Variants in PAPPA observed in about 807,000 individuals in gnomAD.
PAPPA encodes the protein pappalysin-1.
In PAPPA, 60 loss-of-function variants were observed where a neutral mutation model predicts 164.0. That is an observed-to-expected ratio of 0.37 (90% CI 0.30 to 0.45). PAPPA has a LOEUF of 0.45. Ranked by LOEUF, PAPPA falls within the 20% of genes least tolerant of loss-of-function variation. The pLI, the probability that PAPPA is intolerant of heterozygous loss-of-function variation, is 1.00. For synonymous variants in PAPPA, 875 were observed against 814.1 expected (o/e 1.07, Z -1.27); for missense variants, 1,782 against 2,087.3 (o/e 0.85, Z 2.85).
chr9:116,159,516 C>T (rs1587933246), intron 1 of PAPPA, among the ~76,000 whole-genome samples: 1 of 152,164 alleles, frequency 6.6e-6, no homozygotes, highest in Admixed American at 6.5e-5. Flanking sequence ...AGGATTACCC[C>T]TCTGTAATAA....
chr9:116,271,472 T>C lies in PAPPA; in HGVS notation c.2953+56T>C. Reference sequence around the variant, plus strand: ...TGAAGAAATGAACGGTGCAGAATGGTTGGTCAATGATAATGCCAACAATAG... The same window carrying C: ...TGAAGAAATGAACGGTGCAGAATGGCTGGTCAATGATAATGCCAACAATAG... On this transcript the variant is annotated intron_variant, in intron 9 of 21. Transcript: ENST00000328252. The surrounding 1 kb of genome is among the most constrained non-coding windows in gnomAD (Gnocchi z 4.2). The C allele has an allele frequency of 8.1e-7, 1 of 1,236,096 alleles. No individual in the cohort carries two copies. Among genetic ancestry groups the C allele is most frequent in the South Asian group, 1.2e-5 (1 of 83,232 alleles). 76.6% of individuals were successfully genotyped at this position (1,236,096 alleles called of 1,614,324 possible).
intron 4 of PAPPA, among the ~76,000 whole-genome samples, chr9:116,216,631 G>A (rs369205178): frequency 2.2e-4 from 33 of 152,326 alleles, no homozygotes; most frequent in African/African-American, 7.7e-4. Flanking sequence ...TTAGCTAATT[G>A]AGGCAGATCT....
intron 1 of PAPPA, among the ~76,000 whole-genome samples, chr9:116,157,890 A>G (rs1048131889): frequency 2.6e-5 from 4 of 152,112 alleles, no homozygotes; most frequent in Non-Finnish European, 5.9e-5. Context: ...CTCATCCCCA[A>G]CTGCCCCCCC....
chr9:116,277,378 G>A (rs1046839265), intron 9 of PAPPA, among the ~76,000 whole-genome samples: 3 of 152,104 alleles, frequency 2.0e-5, no homozygotes, highest in Non-Finnish European at 4.4e-5. Flanking sequence ...TTAAGGTGAC[G>A]ACGAGGGTGA....
intron 7 of PAPPA, among the ~76,000 whole-genome samples, chr9:116,246,642 A>T (rs967315750): frequency 3.3e-5 from 5 of 152,190 alleles, no homozygotes; most frequent in Non-Finnish European, 7.3e-5. Context: ...ATTGGTTAGA[A>T]TTGAGATGTT....
chr9:116,284,844 C>A (rs1442636326), intron 9 of PAPPA, among the ~76,000 whole-genome samples: 1 of 152,134 alleles, frequency 6.6e-6, no homozygotes, highest in East Asian at 1.9e-4. Context: ...CCAAATCAGT[C>A]TCTCTCGCCC....
At position 116,322,302 on chromosome 9, in the gene PAPPA, C is replaced by T. The variant is rs547548918; in HGVS notation, c.3148-8942C>T. ...GCAGGAGCCTGTAATCCCAGCTACT[C>T]GGGGGGTGGAGGCAGGAGAACCGCT... On this transcript the variant is annotated intron_variant, in intron 10 of 21. Transcript: ENST00000328252. 4.1e-5 allele frequency among the ~76,000 whole-genome samples: 6 copies of T among 147,924 alleles called. No homozygotes were observed. The South Asian group carries it at 1.1e-3, about 27-fold the overall frequency.
chr9:116,179,630 C>A (rs1007478556), intron 1 of PAPPA, among the ~76,000 whole-genome samples: 4 of 152,218 alleles, frequency 2.6e-5, no homozygotes, highest in African/African-American at 9.7e-5. Flanking sequence ...CAGGTACCCT[C>A]CTCGGTGATA....
At chr9:116,192,658 CAG>C (rs1405133557) in intron 2 of PAPPA, among the ~76,000 whole-genome samples, 5 of 152,182 alleles carry the variant, frequency 3.3e-5, no homozygotes, top group African/African-American at 1.2e-4. Flanking sequence ...TCTGTGTGAG[CAG>C]TAAATGCCTT....
chr9:116,263,236 G>A (rs1326138758), intron 7 of PAPPA, among the ~76,000 whole-genome samples: 1 of 152,138 alleles, frequency 6.6e-6, no homozygotes, highest in East Asian at 1.9e-4. Flanking sequence ...GAAGGAGGTC[G>A]GTGGGTAGAC....
intron 9 of PAPPA, among the ~76,000 whole-genome samples, chr9:116,273,706 G>A (rs1210350749): frequency 2.6e-5 from 4 of 152,054 alleles, no homozygotes; most frequent in African/African-American, 7.2e-5. Flanking sequence ...CCCAGGAGAC[G>A]GAGGTTGCAG....
At chr9:116,350,505 C>T (rs960396372) in intron 15 of PAPPA, among the ~76,000 whole-genome samples, 16 of 152,236 alleles carry the variant, frequency 1.1e-4, no homozygotes, top group African/African-American at 3.6e-4. Context: ...TTCTGGTTTG[C>T]ATTTTCTCTC....
chr9:116,205,087 C>G lies in PAPPA; in HGVS notation c.1479-2369C>G, dbSNP rs374760746. On this transcript the variant is annotated intron_variant, in intron 2 of 21. Transcript: ENST00000328252. ...GTTGTTGCTTTTTTTTTTTTTCCCC[C>G]CTTTGGGTGGGTTCCCCTAGGAGAG... Among the ~76,000 whole-genome samples, 16 of 151,316 alleles carry G rather than the reference C, an allele frequency of 1.1e-4. No individual in the cohort carries two copies. In the East Asian group the frequency reaches 1.8e-3, roughly 17 times the overall value.
chr9:116,331,180 T>C, intron 10 of PAPPA, 64 bp from the exon 11 acceptor site: 1 of 1,051,204 alleles, frequency 9.5e-7, no homozygotes. Flanking sequence ...GTTTGTAAAA[T>C]TGAATTTAGT....
rs1023752417 is a variant in PAPPA at position 116,399,399 on chromosome 9, G to A, written c.*2783G>A. Reference sequence around the variant, plus strand: ...GTCTTTTCAAACCTTAGTGGAGGAGGGTCAGCTCAATTTGGGCAATGCATT... The same window carrying A: ...GTCTTTTCAAACCTTAGTGGAGGAGAGTCAGCTCAATTTGGGCAATGCATT... On this transcript the variant is annotated 3_prime_UTR_variant, in exon 22 of 22. Coordinates refer to ENST00000328252, the MANE Select transcript of PAPPA (RefSeq NM_002581.5). 1.3e-5 allele frequency: 2 copies of A among 152,524 alleles called. No individual in the cohort carries two copies. The highest frequency in any genetic ancestry group is 2.9e-5 in the Non-Finnish European group (2 of 68,026). 9.4% of individuals were successfully genotyped at this position (152,524 alleles called of 1,614,324 possible).
At chr9:116,308,059 C>T (rs996269627) in intron 10 of PAPPA, among the ~76,000 whole-genome samples, 1 of 152,234 alleles carries the variant, frequency 6.6e-6, no homozygotes, top group African/African-American at 2.4e-5. Context: ...CCACACAGAA[C>T]AGAAGCTCAG....
intron 19 of PAPPA, among the ~76,000 whole-genome samples, chr9:116,368,090 C>T (rs1209899930): frequency 6.6e-6 from 1 of 152,198 alleles, no homozygotes; most frequent in Non-Finnish European, 1.5e-5. Context: ...AGCCAGGTTT[C>T]AGACCTGAGT....
At position 116,347,531 on chromosome 9, in the gene PAPPA, C is replaced by T. The variant is rs1027322923; in HGVS notation, c.3964+322C>T. 2.0e-5 allele frequency among the ~76,000 whole-genome samples: 3 copies of T among 152,128 alleles called. No homozygotes were observed. The highest frequency in any genetic ancestry group is 7.2e-5 in the African/African-American group (3 of 41,438). ...AAAGAAAAAAAAGTTACATTTGGGA[C>T]TGATGAAACTAATTCACTCTGTATG... is the stretch of plus-strand genomic sequence containing the variant. On this transcript the variant is annotated intron_variant, in intron 15 of 21. Transcript: ENST00000328252. The surrounding 1 kb of genome is among the most constrained non-coding windows in gnomAD (Gnocchi z 4.5).
intron 2 of PAPPA, among the ~76,000 whole-genome samples, chr9:116,199,115 C>T (rs1844140660): frequency 6.6e-6 from 1 of 152,182 alleles, no homozygotes; most frequent in Non-Finnish European, 1.5e-5. Context: ...CACTGGCACA[C>T]TCTGCTTCTC....
Sources: allele counts gnomAD v4.1 joint callset (sites outside exome capture counted in the v4.1 genomes callset), GRCh38; gene constraint gnomAD v4.1.1; non-coding constraint Gnocchi (gnomAD v3.1); transcripts MANE v1.5; gene names NCBI Gene and HGNC (gene_info 2026-07-23, HGNC 2026-07-21).